Variants in CCDC14 observed in about 807,000 individuals in gnomAD.
CCDC14 encodes coiled-coil domain containing 14, also known as coiled-coil domain-containing protein 14.
Under a neutral mutation model 81.4 loss-of-function variants are expected in CCDC14, and 71 were observed. That is an observed-to-expected ratio of 0.87 (90% CI 0.72 to 1.06). CCDC14 has a LOEUF of 1.06. Among genes scored for constraint, CCDC14 ranks in the 50% least tolerant of loss-of-function variants. The pLI is 0.00. For synonymous variants in CCDC14, 332 were observed against 364.8 expected, an observed-to-expected ratio of 0.91 and a Z score of 1.03; for missense variants, 1,046 against 1,047.3, an observed-to-expected ratio of 1.00 and a Z score of 0.02.
intron 9 of CCDC14, among the ~76,000 whole-genome samples, chr3:123,937,704 T>C (rs2036126617): frequency 6.6e-6 from 1 of 151,870 alleles, no homozygotes; most frequent in South Asian, 2.1e-4. Context: ...CTAGTTTATA[T>C]TTTTTGTGTT....
downstream of CCDC14, among the ~76,000 whole-genome samples, chr3:123,894,847 G>A (rs903835528): frequency 6.6e-6 from 1 of 151,960 alleles, no homozygotes; most frequent in Non-Finnish European, 1.5e-5. Flanking sequence ...TTTCTCCTTA[G>A]TTTGGAGTCT....
At chr3:123,952,455 C>T in intron 5 of CCDC14, 1 of 321,390 alleles carries the variant, frequency 3.1e-6, no homozygotes, top group Non-Finnish European at 7.3e-6. Context: ...GCATTCAACA[C>T]AGTTATCACA....
chr3:123,924,731 A>G (rs1307717220), intron 12 of CCDC14, among the ~76,000 whole-genome samples: 1 of 152,184 alleles, frequency 6.6e-6, no homozygotes, highest in Non-Finnish European at 1.5e-5. Context: ...CAGAATGGCT[A>G]TTACAAAAAA....
downstream of CCDC14, among the ~76,000 whole-genome samples, chr3:123,894,531 GAT>G (rs2034032886): frequency 6.6e-6 from 1 of 152,136 alleles, no homozygotes; most frequent in Non-Finnish European, 1.5e-5. Context: ...TGAATCTGTA[GAT>G]CACTTTGGGT....
chr3:123,928,777 C>T (rs2035535456), intron 12 of CCDC14, among the ~76,000 whole-genome samples: 1 of 152,124 alleles, frequency 6.6e-6, no homozygotes, highest in South Asian at 2.1e-4. Flanking sequence ...GTCACCATGG[C>T]TAAAGCCACT....
chr3:123,905,081 A>C (rs965757310), intron 5 of CCDC14, among the ~76,000 whole-genome samples: 1 of 152,200 alleles, frequency 6.6e-6, no homozygotes, highest in Non-Finnish European at 1.5e-5. Context: ...AACATTACAC[A>C]TTAGTGGGGA....
chr3:123,959,475 TTA>T (rs2037543896), intron 1 of CCDC14, among the ~76,000 whole-genome samples: 1 of 152,214 alleles, frequency 6.6e-6, no homozygotes, highest in Non-Finnish European at 1.5e-5. Flanking sequence ...TTTAACCAGG[TTA>T]TGTGTTGTTC....
In CCDC14 at chr3:123,945,000, G is replaced by C; in HGVS notation, c.1202-10C>G. The C allele has an allele frequency of 6.4e-7, 1 of 1,560,032 alleles. No homozygotes were observed. The highest frequency in any genetic ancestry group is 8.7e-7 in the Non-Finnish European group (1 of 1,143,840). ...TGAATTTCTGAATCCTCTATAGAAGGCAACAGAAATGAGTAAAATCAATAT... is the reference window on the plus strand; with the variant it reads ...TGAATTTCTGAATCCTCTATAGAAGCCAACAGAAATGAGTAAAATCAATAT... On this transcript the variant is annotated splice_polypyrimidine_tract_variant and intron_variant, in intron 8 of 12. Coordinates refer to ENST00000409697, the MANE Select transcript of CCDC14 (RefSeq NM_001366335.1).
rs140598202 is a variant in CCDC14 at position 123,936,789 on chromosome 3, T to G, written c.1344-3034A>C. 1.8e-4 allele frequency among the ~76,000 whole-genome samples: 27 copies of G among 152,164 alleles called. No homozygotes were observed. In the East Asian group the frequency reaches 4.4e-3, roughly 25 times the overall value. ...GTAATAACATGTATAACAAACCTCCTGTGACACGTGTTTACCTATGTAACA... is the reference window on the plus strand; with the variant it reads ...GTAATAACATGTATAACAAACCTCCGGTGACACGTGTTTACCTATGTAACA... On this transcript the variant is annotated intron_variant, in intron 9 of 12. Coordinates refer to ENST00000409697, the MANE Select transcript of CCDC14 (RefSeq NM_001366335.1).
In CCDC14 at chr3:123,931,103, T is replaced by G; in HGVS notation, c.1777A>C (p.Arg593=). The G allele has an allele frequency of 3.8e-6, 6 of 1,568,134 alleles. No homozygotes were observed. Among genetic ancestry groups the G allele is most frequent in the Non-Finnish European group, 5.1e-6 (6 of 1,167,062 alleles). Residue 593 remains arginine (R), a splice_region_variant and synonymous_variant, in exon 12 of 13, where the codon AGA becomes CGA. Coordinates refer to ENST00000409697, the MANE Select transcript of CCDC14 (RefSeq NM_001366335.1). The part of the protein sequence containing the change: ...AEVTRLRELT[R]TLQTSMAKLL... ...TTATTCAAAGGAAGTCAATTTTACC[T>G]GGTTAATTCTCTTAGTCGAGTCACC...
chr3:123,912,675 T>C (rs563938676), downstream of CCDC14, among the ~76,000 whole-genome samples: 3 of 152,166 alleles, frequency 2.0e-5, no homozygotes, highest in African/African-American at 7.2e-5. Context: ...ACTATCACTC[T>C]ATGACATTTT....
chr3:123,904,282 G>A (rs1479465781), intron 5 of CCDC14, among the ~76,000 whole-genome samples: 1 of 152,012 alleles, frequency 6.6e-6, no homozygotes, highest in East Asian at 1.9e-4. Context: ...AGCTATCTCT[G>A]AGGTCTATAT....
At chr3:123,900,639 T>G (rs552787407) in intron 5 of CCDC14, among the ~76,000 whole-genome samples, 1 of 152,322 alleles carries the variant, frequency 6.6e-6, no homozygotes, top group South Asian at 2.1e-4. Flanking sequence ...CAGATTAAGA[T>G]AGTGCCAAAA....
intron 5 of CCDC14, chr3:123,953,621 G>T (rs1212258041): frequency 6.6e-6 from 1 of 152,126 alleles, no homozygotes; most frequent in African/African-American, 2.4e-5. Flanking sequence ...ACATCAGTAG[G>T]GCTTCAGTTG....
chr3:123,898,612 A>G (rs1010351023), intron 5 of CCDC14, among the ~76,000 whole-genome samples: 1 of 152,202 alleles, frequency 6.6e-6, no homozygotes, highest in Admixed American at 6.5e-5. Flanking sequence ...GGTCCGGATT[A>G]TCTACACCTG....
At chr3:123,961,020 A>G (rs2037651887) in intron 1 of CCDC14, 124 bp downstream of exon 1, 1 of 835,156 alleles carries the variant, frequency 1.2e-6, no homozygotes, top group Non-Finnish European at 1.8e-6. Flanking sequence ...CCTCTGTCCC[A>G]GCACTTTAAT....
At chr3:123,934,375 A>G (rs1488379596) in intron 9 of CCDC14, among the ~76,000 whole-genome samples, 2 of 136,282 alleles carry the variant, frequency 1.5e-5, no homozygotes, top group Non-Finnish European at 3.1e-5. Context: ...TTCCTTTTCT[A>G]TCTGCTCATG....
chr3:123,949,390 T>TA (rs2036874042), intron 5 of CCDC14: 1 of 439,186 alleles, frequency 2.3e-6, no homozygotes, highest in Non-Finnish European at 4.0e-6. Context: ...TTGCCATTTG[T>TA]AAAATCTCTC....
downstream of CCDC14, among the ~76,000 whole-genome samples, chr3:123,892,372 G>C (rs1373337239): frequency 6.6e-6 from 1 of 152,218 alleles, no homozygotes; most frequent in African/African-American, 2.4e-5. Flanking sequence ...GCCATGTCCT[G>C]AGGCTGCACA....
Sources: allele counts gnomAD v4.1 joint callset (sites outside exome capture counted in the v4.1 genomes callset), GRCh38; gene constraint gnomAD v4.1.1; transcripts MANE v1.5; gene names NCBI Gene and HGNC (gene_info 2026-07-23, HGNC 2026-07-21).